PEBP4: variants seen among roughly 807,000 people sequenced by gnomAD.
PEBP4 encodes phosphatidylethanolamine-binding protein 4.
Under a neutral mutation model 23.9 loss-of-function variants are expected in PEBP4, and 22 were observed. That is an observed-to-expected ratio of 0.92 (90% CI 0.66 to 1.31). The LOEUF (loss-of-function observed/expected upper bound fraction) is 1.31, where lower values mean the gene tolerates loss of function less well. Ranked by LOEUF, PEBP4 falls within the 40% of genes most tolerant of loss-of-function variation. The pLI, the probability that PEBP4 is intolerant of heterozygous loss-of-function variation, is 0.00. For missense variants in PEBP4, 324 were observed against 281.7 expected (o/e 1.15, Z -1.07); for synonymous variants, 112 against 99.3 (o/e 1.13, Z -0.76).
intron 2 of PEBP4, among the ~76,000 whole-genome samples, chr8:22,927,275 C>T (rs1394213271): frequency 2.6e-5 from 4 of 151,960 alleles, no homozygotes; most frequent in African/African-American, 9.7e-5. Context: ...GGGTCTCTCT[C>T]TGAGGGTCTC....
chr8:22,837,296 T>G (rs1405687897), intron 3 of PEBP4, among the ~76,000 whole-genome samples: 1 of 152,206 alleles, frequency 6.6e-6, no homozygotes, highest in African/African-American at 2.4e-5. Flanking sequence ...GCTAGTGGTG[T>G]TTTGGTAAAC....
chr8:22,893,439 A>C (rs2128775171), intron 3 of PEBP4, among the ~76,000 whole-genome samples: 1 of 152,356 alleles, frequency 6.6e-6, no homozygotes, highest in Middle Eastern at 3.4e-3. Context: ...GCAGGAAAAT[A>C]GAAACCATAA....
intron 4 of PEBP4, among the ~76,000 whole-genome samples, chr8:22,768,995 G>A (rs1805663921): frequency 6.6e-6 from 1 of 152,204 alleles, no homozygotes; most frequent in Non-Finnish European, 1.5e-5. Flanking sequence ...TGGGAGCTGA[G>A]AGCATTTGTG....
chr8:22,932,664 GAGA>G (rs1809475935), upstream of PEBP4, among the ~76,000 whole-genome samples: 1 of 151,470 alleles, frequency 6.6e-6, no homozygotes, highest in African/African-American at 2.4e-5. Context: ...CCCTGGGTGA[GAGA>G]AGGAGACCCT....
At chr8:22,856,318 A>G (rs1807647301) in intron 3 of PEBP4, among the ~76,000 whole-genome samples, 1 of 152,224 alleles carries the variant, frequency 6.6e-6, no homozygotes, top group East Asian at 1.9e-4. Context: ...TCAAATTGGT[A>G]ATTATTTTAA....
intron 3 of PEBP4, among the ~76,000 whole-genome samples, chr8:22,864,356 A>T (rs538778889): frequency 1.2e-4 from 19 of 152,262 alleles, no homozygotes; most frequent in African/African-American, 4.6e-4. Context: ...TATTGTGATG[A>T]TCTGCTTCTA....
intron 4 of PEBP4, among the ~76,000 whole-genome samples, chr8:22,801,598 T>G (rs2128758840): frequency 6.6e-6 from 1 of 152,176 alleles, no homozygotes; most frequent in South Asian, 2.1e-4. Flanking sequence ...AGATGAAGGA[T>G]TTTTTGGGGA....
chr8:22,813,011 AGT>A (rs543671674), intron 4 of PEBP4, among the ~76,000 whole-genome samples: 228 of 152,152 alleles, frequency 1.5e-3, no homozygotes, highest in African/African-American at 5.2e-3. Flanking sequence ...CTCAAGCACA[AGT>A]GTCCTGGCAT....
At chr8:22,938,953 A>G (rs556941331) in intron 1 of PEBP4, among the ~76,000 whole-genome samples, 5 of 152,338 alleles carry the variant, frequency 3.3e-5, no homozygotes, top group Non-Finnish European at 7.3e-5. Flanking sequence ...TGGTTGTCCT[A>G]CTTAGAGACA....
intron 1 of PEBP4, among the ~76,000 whole-genome samples, chr8:22,937,459 T>G (rs1304992360): frequency 6.6e-6 from 1 of 152,176 alleles, no homozygotes; most frequent in Non-Finnish European, 1.5e-5. Flanking sequence ...GTAAAGACAT[T>G]CAATGCTCAT....
chr8:22,737,913 G>A (rs1158583142), intron 4 of PEBP4, among the ~76,000 whole-genome samples: 3 of 152,172 alleles, frequency 2.0e-5, no homozygotes, highest in Admixed American at 1.3e-4. Context: ...AGCTCCCGGC[G>A]GGACCCTGGA....
Position 22,740,105 on chromosome 8 carries a change from C to T in PEBP4, c.358-12885G>A, listed in dbSNP as rs866528488. Among the ~76,000 whole-genome samples, 11 of 152,294 alleles carry T rather than the reference C, an allele frequency of 7.2e-5. No homozygotes were observed. In the South Asian group the frequency reaches 1.9e-3, roughly 26 times the overall value. ...CTTTGGAGCCTCTTCTCTCCCTCCC[C>T]ACCAATGGGCCCAGGCCTGGGGCTG... On this transcript the variant is annotated intron_variant, in intron 4 of 6. Transcript: ENST00000256404.
rs531937598 is a variant in PEBP4, at chr8:22,768,553, GT to G, written c.358-41334del. Among the ~76,000 whole-genome samples, 469 of 152,296 alleles carry G rather than the reference GT, an allele frequency of 3.1e-3. 2 individuals are homozygous for G. Among genetic ancestry groups the G allele is most frequent in the African/African-American group, 0.011 (457 of 41,560 alleles). The stretch of plus-strand genomic sequence containing the variant: ...GGGCCTCCGGTGCGGAGCTCATTTT[GT>G]TTGCTTTGTATGTTAGTTTTCACCC... On this transcript the variant is annotated intron_variant, in intron 4 of 6. Coordinates refer to ENST00000256404, the MANE Select transcript of PEBP4 (RefSeq NM_144962.3).
chr8:22,825,018 T>C (rs2128763083), intron 3 of PEBP4, among the ~76,000 whole-genome samples: 1 of 152,334 alleles, frequency 6.6e-6, no homozygotes, highest in Non-Finnish European at 1.5e-5. Context: ...CTAGATCTCC[T>C]CTCTGCTAAG....
chr8:22,911,213 C>T (rs1194663785), intron 3 of PEBP4, among the ~76,000 whole-genome samples: 8 of 152,230 alleles, frequency 5.3e-5, no homozygotes, highest in Non-Finnish European at 1.2e-4. Flanking sequence ...ATGACACCCA[C>T]ATGGCCATGA....
At chr8:22,849,824 T>C (rs1294993179) in intron 3 of PEBP4, among the ~76,000 whole-genome samples, 1 of 152,220 alleles carries the variant, frequency 6.6e-6, no homozygotes, top group African/African-American at 2.4e-5. Context: ...ACTCAAGACA[T>C]TCACATGTCC....
At chr8:22,754,464 AG>A (rs1805333952) in intron 4 of PEBP4, among the ~76,000 whole-genome samples, 2 of 152,256 alleles carry the variant, frequency 1.3e-5, no homozygotes, top group African/African-American at 4.8e-5. Flanking sequence ...TTGCTAGGAA[AG>A]CTTATCCCAA....
chr8:22,748,208 G>A (rs1274293395), intron 4 of PEBP4, among the ~76,000 whole-genome samples: 1 of 152,182 alleles, frequency 6.6e-6, no homozygotes, highest in Non-Finnish European at 1.5e-5. Flanking sequence ...TTCTCCAAGA[G>A]GGGGCTGCGC....
At position 22,865,547 on chromosome 8, in the gene PEBP4, CG is replaced by C. The variant is rs943285194; in HGVS notation, c.259-47813del. Among the ~76,000 whole-genome samples, 3 of 152,152 alleles carry C rather than the reference CG, an allele frequency of 2.0e-5. No individual in the cohort carries two copies. The highest frequency in any genetic ancestry group is 7.2e-5 in the African/African-American group (3 of 41,442). On this transcript the variant is annotated intron_variant, in intron 3 of 6. Coordinates refer to ENST00000256404, the MANE Select transcript of PEBP4 (RefSeq NM_144962.3). This position sits in a 1 kb window ranked among gnomAD's most constrained non-coding sequence, Gnocchi z 6.9. ...GCTAAAAAAGGCAAGGCGCTGCTGCCGGTGCCGGTGCCGCAGCCGCCGGGGA... is the reference window on the plus strand; with the variant it reads ...GCTAAAAAAGGCAAGGCGCTGCTGCCGTGCCGGTGCCGCAGCCGCCGGGGA...
Sources: allele counts gnomAD v4.1 joint callset (sites outside exome capture counted in the v4.1 genomes callset), GRCh38; gene constraint gnomAD v4.1.1; non-coding constraint Gnocchi (gnomAD v3.1); transcripts MANE v1.5; gene names NCBI Gene and HGNC (gene_info 2026-07-23, HGNC 2026-07-21).